Variants in AGMO observed in about 807,000 individuals in gnomAD.
AGMO encodes alkylglycerol monooxygenase, also known as glyceryl-ether monooxygenase.
AGMO carries 75 observed loss-of-function variants against 60.2 expected under a neutral mutation model. That is an observed-to-expected ratio of 1.25 (90% CI 1.03 to 1.51). The LOEUF is 1.51. Ranked by LOEUF, AGMO falls within the 40% of genes most tolerant of loss-of-function variation. AGMO has a pLI of 0.00. For synonymous variants in AGMO, 261 were observed against 177.1 expected (o/e 1.47, Z -3.76); for missense variants, 763 against 525.5 (o/e 1.45, Z -4.42).
At chr7:15,230,206 CAGA>C (rs1316398908) in intron 12 of AGMO, among the ~76,000 whole-genome samples, 2 of 151,986 alleles carry the variant, frequency 1.3e-5, no homozygotes, top group Non-Finnish European at 2.9e-5. Flanking sequence ...TGGCTGGATA[CAGA>C]AGTTTTGAAA....
At chr7:15,214,366 CTT>C (rs1417935927) in intron 12 of AGMO, among the ~76,000 whole-genome samples, 1 of 151,980 alleles carries the variant, frequency 6.6e-6, no homozygotes, top group Non-Finnish European at 1.5e-5. Flanking sequence ...AAAGAGACCT[CTT>C]TGGTTAGCTT....
intron 12 of AGMO, among the ~76,000 whole-genome samples, chr7:15,220,361 A>C (rs563401187): frequency 5.1e-4 from 77 of 151,020 alleles, no homozygotes; most frequent in African/African-American, 1.8e-3. Flanking sequence ...CTGGGATTAC[A>C]GGGGCCCGCC....
intron 12 of AGMO, among the ~76,000 whole-genome samples, chr7:15,316,976 A>C (rs1321469420): frequency 6.6e-6 from 1 of 152,234 alleles, no homozygotes; most frequent in African/African-American, 2.4e-5. Context: ...TGTAATTGGC[A>C]GGATGAACAT....
chr7:15,376,368 A>C (rs1274790441), intron 10 of AGMO, among the ~76,000 whole-genome samples: 1 of 136,872 alleles, frequency 7.3e-6, no homozygotes. Flanking sequence ...GTCGACCAAA[A>C]TATATTGATT....
intron 12 of AGMO, among the ~76,000 whole-genome samples, chr7:15,284,317 A>G (rs927206809): frequency 6.6e-6 from 1 of 152,100 alleles, no homozygotes; most frequent in Non-Finnish European, 1.5e-5. Flanking sequence ...ACAAAAACAA[A>G]TTGATAGACC....
chr7:15,254,697 T>C (rs1393090694), intron 12 of AGMO, among the ~76,000 whole-genome samples: 2 of 143,230 alleles, frequency 1.4e-5, no homozygotes, highest in African/African-American at 5.2e-5. Context: ...AGACAAAGGG[T>C]TGTCATTTTA....
intron 3 of AGMO, among the ~76,000 whole-genome samples, chr7:15,527,409 G>A (rs1270522892): frequency 6.6e-6 from 1 of 152,190 alleles, no homozygotes; most frequent in Non-Finnish European, 1.5e-5. Flanking sequence ...CTAATCCAGA[G>A]CAAGACCCTA....
intron 3 of AGMO, among the ~76,000 whole-genome samples, chr7:15,481,718 T>C (rs910092404): frequency 2.0e-5 from 3 of 151,878 alleles, no homozygotes; most frequent in Admixed American, 6.6e-5. Context: ...GTTAATTGTG[T>C]TTTCAGGATC....
chr7:15,262,459 C>T (rs1032392143), intron 12 of AGMO, among the ~76,000 whole-genome samples: 16 of 151,996 alleles, frequency 1.1e-4, no homozygotes, highest in Admixed American at 5.9e-4. Context: ...CTACAAGACA[C>T]TGCTGAAATA....
intron 12 of AGMO, among the ~76,000 whole-genome samples, chr7:15,348,347 G>A (rs1413190023): frequency 6.6e-6 from 1 of 151,956 alleles, no homozygotes; most frequent in African/African-American, 2.4e-5. Flanking sequence ...CCGGAGATAA[G>A]CAAGTGAAAT....
At chr7:15,207,336 G>A (rs1279577821) in intron 12 of AGMO, among the ~76,000 whole-genome samples, 1 of 152,074 alleles carries the variant, frequency 6.6e-6, no homozygotes, top group Non-Finnish European at 1.5e-5. Flanking sequence ...TCTTTGATTT[G>A]GAAGTTATGA....
At chr7:15,446,120 C>A (rs1781691563) in intron 3 of AGMO, among the ~76,000 whole-genome samples, 2 of 152,046 alleles carry the variant, frequency 1.3e-5, no homozygotes, top group African/African-American at 4.8e-5. Context: ...GATCATGAAG[C>A]AAAATATTGT....
chr7:15,205,945 T>C (rs546309511), intron 12 of AGMO, among the ~76,000 whole-genome samples: 5 of 152,246 alleles, frequency 3.3e-5, no homozygotes, highest in African/African-American at 7.2e-5. Flanking sequence ...ACAGTAAGAA[T>C]TGATTTAAAG....
At chr7:15,352,202 A>C (rs1299005788) in intron 12 of AGMO, among the ~76,000 whole-genome samples, 1 of 151,960 alleles carries the variant, frequency 6.6e-6, no homozygotes, top group East Asian at 1.9e-4. Flanking sequence ...CAGTTTGCTC[A>C]TTATGGATGA....
intron 12 of AGMO, among the ~76,000 whole-genome samples, chr7:15,340,895 C>T (rs1020561769): frequency 6.6e-6 from 1 of 152,092 alleles, no homozygotes; most frequent in Non-Finnish European, 1.5e-5. Flanking sequence ...CTCGAGACCG[C>T]AGAATGGTAG....
the AGMO span, among the ~76,000 whole-genome samples, chr7:15,146,506 C>T: frequency 6.6e-6 from 1 of 151,352 alleles, no homozygotes; most frequent in East Asian, 1.9e-4. Context: ...ACAAAGGAAG[C>T]AATCAGCTAT....
intron 5 of AGMO, among the ~76,000 whole-genome samples, chr7:15,417,517 A>T (rs1780806304): frequency 6.6e-6 from 1 of 152,168 alleles, no homozygotes; most frequent in Non-Finnish European, 1.5e-5. Flanking sequence ...CCCTCCACTG[A>T]TTTAAACAAA....
intron 2 of AGMO, among the ~76,000 whole-genome samples, chr7:15,546,680 G>C (rs1036962020): frequency 5.9e-5 from 9 of 152,192 alleles, no homozygotes; most frequent in African/African-American, 1.9e-4. Flanking sequence ...ATGAGGCCAA[G>C]GGTTCCCAAA....
At chr7:15,519,282 A>G (rs554073084) in intron 3 of AGMO, among the ~76,000 whole-genome samples, 1 of 152,232 alleles carries the variant, frequency 6.6e-6, no homozygotes, top group East Asian at 1.9e-4. Flanking sequence ...ACAGGCCAAC[A>G]TTCAAATTCA....
Sources: allele counts gnomAD v4.1 joint callset (sites outside exome capture counted in the v4.1 genomes callset), GRCh38; gene constraint gnomAD v4.1.1; transcripts MANE v1.5; gene names NCBI Gene and HGNC (gene_info 2026-07-23, HGNC 2026-07-21).